VPS53: variants seen among roughly 807,000 people sequenced by gnomAD.
VPS53 encodes vacuolar protein sorting-associated protein 53 homolog.
A neutral mutation model predicts 107.0 loss-of-function variants in VPS53; 70 were observed. That is an observed-to-expected ratio of 0.65 (90% confidence interval 0.54 to 0.80). The LOEUF (loss-of-function observed/expected upper bound fraction) is 0.80, where lower values mean the gene tolerates loss of function less well. Ranked by LOEUF, VPS53 falls within the 30% of genes least tolerant of loss-of-function variation. The probability of loss-of-function intolerance (pLI) is 0.00; values close to 1 mark genes in which losing one functional copy is unlikely to be tolerated. For synonymous variants in VPS53, 409 were observed against 393.3 expected (o/e 1.04, Z -0.47); for missense variants, 917 against 1,049.4 (o/e 0.87, Z 1.74).
At chr17:702,394 G>A (rs190695717) in intron 2 of VPS53, among the ~76,000 whole-genome samples, 35 of 152,216 alleles carry the variant, frequency 2.3e-4, no homozygotes, top group South Asian at 2.3e-3. Context: ...GGCTGGGCGC[G>A]GTGGCTCATG....
At chr17:583,449 A>G (rs1327020800) in intron 13 of VPS53, among the ~76,000 whole-genome samples, 4 of 150,106 alleles carry the variant, frequency 2.7e-5, no homozygotes, top group Admixed American at 2.6e-4. Flanking sequence ...CAGAACCTCA[A>G]TGCGTTCCCA....
At chr17:670,793 T>C (rs924164857) in intron 4 of VPS53, among the ~76,000 whole-genome samples, 1 of 152,220 alleles carries the variant, frequency 6.6e-6, no homozygotes, top group Non-Finnish European at 1.5e-5. Flanking sequence ...AGAGCTGGTA[T>C]GGCTTTAGAC....
rs181914829 is a variant in VPS53, at chr17:628,495, C to T, written c.688-264G>A. The stretch of plus-strand genomic sequence containing the variant: ...TTTGGGAAATGGGCAGTAATGATCA[C>T]GGGAAATTTGACTTTCTGCAAACCA... On this transcript the variant is annotated intron_variant, in intron 8 of 21. Transcript: ENST00000437048. Among the ~76,000 whole-genome samples the T allele has an allele frequency of 5.9e-5, 9 of 152,264 alleles. No individual in the cohort carries two copies. In the South Asian group the frequency reaches 6.2e-4, roughly 11 times the overall value.
intron 7 of VPS53, among the ~76,000 whole-genome samples, chr17:646,958 A>G (rs538977241): frequency 3.9e-5 from 6 of 152,376 alleles, no homozygotes; most frequent in African/African-American, 1.4e-4. Context: ...ATAATCCACT[A>G]GACTTTTACA....
chr17:534,978 G>T (rs1416935331), intron 18 of VPS53, among the ~76,000 whole-genome samples: 1 of 151,588 alleles, frequency 6.6e-6, no homozygotes, highest in Non-Finnish European at 1.5e-5. Flanking sequence ...CTAGTCTACA[G>T]GTGGCGATGG....
In VPS53 at chr17:518,167, G is replaced by A. The variant is rs1260764212; in HGVS notation, c.*961C>T. 1 of 152,146 alleles carries A rather than the reference G, an allele frequency of 6.6e-6. No individual in the cohort carries two copies. 9.4% of individuals were successfully genotyped at this position (152,146 alleles called of 1,614,324 possible). A position where few individuals can be genotyped will look rare whatever the true frequency, so the allele number is the denominator to read the frequency against. On this transcript the variant is annotated 3_prime_UTR_variant, in exon 22 of 22. Transcript: ENST00000437048. ...AGGCCTGGTTTCAAGGGAACCGAGT[G>A]AATCAGGGTTAACGGCTTGATATGC...
intron 11 of VPS53, 117 bp from the exon 12 acceptor site, chr17:602,013 G>A: frequency 1.5e-6 from 1 of 651,762 alleles, no homozygotes; most frequent in Non-Finnish European, 2.3e-6. Flanking sequence ...ATCTGATAAA[G>A]AAGAACTGAG....
chr17:685,110 A>G (rs1286020607), intron 4 of VPS53: 1 of 152,194 alleles, frequency 6.6e-6, no homozygotes, highest in East Asian at 1.9e-4. Context: ...GAGAAAACAA[A>G]AAGACAGATG....
chr17:657,065 G>A (rs1002525561), intron 5 of VPS53: 42 of 926,350 alleles, frequency 4.5e-5, no homozygotes, highest in Admixed American at 4.4e-4. Context: ...AGTGTCGAAC[G>A]TGATGAAATC....
At position 519,405 on chromosome 17, in the gene VPS53, A is replaced by G. The variant is rs1213600586; in HGVS notation, c.2329-107T>C. 3 of 1,161,852 alleles carry G rather than the reference A, an allele frequency of 2.6e-6. No homozygotes were observed. In the East Asian group the frequency reaches 8.2e-5, roughly 32 times the overall value. The allele number at this position is 1,161,852 out of a possible 1,614,324, so 72.0% of individuals were successfully genotyped here. A position where few individuals can be genotyped will look rare whatever the true frequency, so the allele number is the denominator to read the frequency against. ...GGTCAGCAGAGGCTCTGGAGACAGC[A>G]TAGTTACTCCAGGCTGAGGATGAAC... On this transcript the variant is annotated intron_variant, in intron 21 of 21. Coordinates refer to ENST00000437048, the MANE Select transcript of VPS53 (RefSeq NM_001128159.3). The surrounding 1 kb of genome is among the most constrained non-coding windows in gnomAD (Gnocchi z 5.0).
At chr17:710,300 G>A (rs1047388178) in intron 2 of VPS53, among the ~76,000 whole-genome samples, 8 of 152,066 alleles carry the variant, frequency 5.3e-5, no homozygotes, top group African/African-American at 1.4e-4. Context: ...GAAAATTTGG[G>A]AGGACTCTCA....
chr17:657,014 C>T (rs1041050038), intron 5 of VPS53: 2 of 869,760 alleles, frequency 2.3e-6, no homozygotes, highest in Non-Finnish European at 4.0e-6. Flanking sequence ...CACACCAACT[C>T]TTCCCAGGTG....
chr17:695,635 G>A (rs1283095775), intron 4 of VPS53, among the ~76,000 whole-genome samples: 4 of 151,998 alleles, frequency 2.6e-5, no homozygotes, highest in East Asian at 3.9e-4. Flanking sequence ...CTGCAGCCTC[G>A]AACTTCCTGG....
chr17:569,756 T>C (rs1913864747), intron 13 of VPS53, among the ~76,000 whole-genome samples: 1 of 151,640 alleles, frequency 6.6e-6, no homozygotes, highest in Non-Finnish European at 1.5e-5. Flanking sequence ...CCGTCTCTAC[T>C]AAAAATACAA....
intron 4 of VPS53, among the ~76,000 whole-genome samples, chr17:663,142 G>C (rs1971541819): frequency 1.3e-5 from 2 of 152,166 alleles, no homozygotes; most frequent in Admixed American, 1.3e-4. Context: ...GGTCAAGGCT[G>C]CAGTGAACTG....
At chr17:605,393 G>C (rs1020262133) in intron 11 of VPS53, among the ~76,000 whole-genome samples, 2 of 152,176 alleles carry the variant, frequency 1.3e-5, no homozygotes, top group African/African-American at 4.8e-5. Flanking sequence ...CCCAAGGAAG[G>C]GTGTTCTCAG....
intron 13 of VPS53, among the ~76,000 whole-genome samples, chr17:568,119 C>T (rs1031455203): frequency 1.3e-5 from 2 of 152,096 alleles, no homozygotes; most frequent in Non-Finnish European, 2.9e-5. Context: ...TCAGCATTCA[C>T]AGAAACAATA....
At chr17:660,308 T>C (rs1308548817) in intron 5 of VPS53, among the ~76,000 whole-genome samples, 1 of 151,958 alleles carries the variant, frequency 6.6e-6, no homozygotes, top group African/African-American at 2.4e-5. Context: ...GAGGGCTAAA[T>C]TAGAGTGCTG....
intron 7 of VPS53, chr17:632,810 T>C (rs1194978820): frequency 2.2e-6 from 1 of 456,224 alleles, no homozygotes; most frequent in Non-Finnish European, 4.4e-6. Flanking sequence ...CACGTCCAGT[T>C]CAATCCATGC....
Sources: gnomAD v4.1 joint callset for allele counts (sites outside exome capture counted in the v4.1 genomes callset) on GRCh38, gnomAD v4.1.1 for gene constraint, Gnocchi (gnomAD v3.1) non-coding constraint, MANE v1.5 for transcripts, NCBI Gene and HGNC (gene_info 2026-07-23, HGNC 2026-07-21) for gene names.